PAN3: variants seen among roughly 807,000 people sequenced by gnomAD.
PAN3 encodes the protein PAN2-PAN3 deadenylation complex subunit PAN3.
A neutral mutation model predicts 96.2 loss-of-function variants in PAN3; 19 were observed. The observed-to-expected ratio is 0.20, with a 90% CI of 0.14 to 0.29. PAN3 has a LOEUF of 0.29. Among genes scored for constraint, PAN3 ranks in the 10% least tolerant of loss-of-function variants. The probability of loss-of-function intolerance (pLI) is 1.00; values close to 1 mark genes in which losing one functional copy is unlikely to be tolerated. For synonymous variants in PAN3, 433 were observed against 406.6 expected, an observed-to-expected ratio of 1.06 and a Z score of -0.78; for missense variants, 882 against 1,108.1, an observed-to-expected ratio of 0.80 and a Z score of 2.90.
chr13:28,273,275 C>G (rs188804644), intron 14 of PAN3, among the ~76,000 whole-genome samples: 366 of 152,216 alleles, frequency 2.4e-3, no homozygotes, highest in African/African-American at 8.4e-3. Flanking sequence ...GATAAAGTAT[C>G]GAAGAATAAG....
chr13:28,154,051 A>G (rs1871755419), intron 1 of PAN3, among the ~76,000 whole-genome samples: 1 of 152,218 alleles, frequency 6.6e-6, no homozygotes, highest in Non-Finnish European at 1.5e-5. Flanking sequence ...AAACTGCTTT[A>G]TTGGAGGATA....
At chr13:28,174,145 T>C (rs2138098732) in intron 1 of PAN3, 127 bp from the exon 2 acceptor site, 7 of 996,112 alleles carry the variant, frequency 7.0e-6, no homozygotes, top group Non-Finnish European at 1.0e-5. Context: ...TTACCTGTTA[T>C]GAACTGGTAA....
intron 1 of PAN3, among the ~76,000 whole-genome samples, chr13:28,151,478 G>A (rs1017064004): frequency 2.6e-5 from 4 of 151,938 alleles, no homozygotes; most frequent in African/African-American, 9.7e-5. Flanking sequence ...TTGTGCCACT[G>A]CACTCCAGCC....
At chr13:28,231,292 C>G (rs1368620153) in intron 6 of PAN3, among the ~76,000 whole-genome samples, 1 of 152,100 alleles carries the variant, frequency 6.6e-6, no homozygotes, top group African/African-American at 2.4e-5. Context: ...ACAGGCAAGA[C>G]TGAAGTTATG....
intron 1 of PAN3, among the ~76,000 whole-genome samples, chr13:28,161,254 C>CT (rs1247318071): frequency 2.6e-5 from 4 of 152,114 alleles, no homozygotes; most frequent in Non-Finnish European, 5.9e-5. Context: ...GGCTGAAAGT[C>CT]TAAGATCAAG....
chr13:28,284,443 CT>C (rs1271158111), intron 17 of PAN3, among the ~76,000 whole-genome samples: 1 of 149,698 alleles, frequency 6.7e-6, no homozygotes, highest in Non-Finnish European at 1.5e-5. Context: ...ATGTCTGTAA[CT>C]GACCAAATTT....
At chr13:28,268,253 C>T (rs1412810706) in intron 12 of PAN3, among the ~76,000 whole-genome samples, 1 of 151,892 alleles carries the variant, frequency 6.6e-6, no homozygotes, top group Non-Finnish European at 1.5e-5. Flanking sequence ...CATATTACAT[C>T]TTTTCTTTAT....
chr13:28,265,355 A>T (rs897602053), intron 9 of PAN3, among the ~76,000 whole-genome samples: 2 of 152,212 alleles, frequency 1.3e-5, no homozygotes, highest in Non-Finnish European at 2.9e-5. Flanking sequence ...ACATGCAATG[A>T]CACTTGGCAG....
intron 6 of PAN3, among the ~76,000 whole-genome samples, chr13:28,223,103 T>TGATTCACTCAG (rs1309749984): frequency 6.6e-6 from 1 of 152,242 alleles, no homozygotes; most frequent in Admixed American, 6.5e-5. Flanking sequence ...AAGGAGACCC[T>TGATTCACTCAG]GAGTGAATCA....
intron 4 of PAN3, among the ~76,000 whole-genome samples, chr13:28,186,308 TGTTATA>T (rs1876459925): frequency 6.6e-6 from 1 of 152,204 alleles, no homozygotes. Context: ...GGATATGAGA[TGTTATA>T]GTTAAGAGTA....
At chr13:28,260,690 A>G (rs1885632630) in intron 8 of PAN3, 139 bp downstream of exon 8, 1 of 675,148 alleles carries the variant, frequency 1.5e-6, no homozygotes, top group African/African-American at 1.8e-5. Context: ...AGAAGTTTTA[A>G]TTGGTATTTT....
chr13:28,152,582 GA>G (rs747995430), intron 1 of PAN3, among the ~76,000 whole-genome samples: 9 of 148,198 alleles, frequency 6.1e-5, no homozygotes, highest in East Asian at 3.9e-4. Context: ...GAAACTCCAT[GA>G]AAAAAAAACC....
intron 4 of PAN3, among the ~76,000 whole-genome samples, chr13:28,193,756 A>AAT (rs60905725): frequency 6.8e-6 from 1 of 146,510 alleles, no homozygotes; most frequent in South Asian, 2.2e-4. Flanking sequence ...AAAAAAAAAA[A>AAT]CCCAAGAAAC....
chr13:28,228,060 C>T (rs897142828), intron 6 of PAN3, among the ~76,000 whole-genome samples: 4 of 152,084 alleles, frequency 2.6e-5, no homozygotes, highest in Admixed American at 2.0e-4. Context: ...TTGAGAGCAC[C>T]AGGGATCATT....
chr13:28,149,746 G>A (rs1871126193), intron 1 of PAN3, among the ~76,000 whole-genome samples: 1 of 152,120 alleles, frequency 6.6e-6, no homozygotes, highest in Non-Finnish European at 1.5e-5. Flanking sequence ...CTCCTTAGTA[G>A]TTAGGTCTAC....
intron 1 of PAN3, among the ~76,000 whole-genome samples, chr13:28,173,734 G>T (rs1874597018): frequency 6.6e-6 from 1 of 152,146 alleles, no homozygotes. Flanking sequence ...TGCCCTAATA[G>T]TTCTACAGTC....
chr13:28,201,966 A>G (rs1011371648), intron 5 of PAN3, among the ~76,000 whole-genome samples: 1 of 151,998 alleles, frequency 6.6e-6, no homozygotes, highest in Admixed American at 6.6e-5. Flanking sequence ...ATATTCTCCT[A>G]TACTCCTTCT....
intron 17 of PAN3, among the ~76,000 whole-genome samples, chr13:28,284,514 G>A (rs910568711): frequency 2.0e-5 from 3 of 151,712 alleles, no homozygotes; most frequent in South Asian, 2.1e-4. Context: ...CCAAGATTAT[G>A]AAGGAACTAT....
At chr13:28,150,233 G>C (rs954653601) in intron 1 of PAN3, among the ~76,000 whole-genome samples, 4 of 152,146 alleles carry the variant, frequency 2.6e-5, no homozygotes, top group Non-Finnish European at 4.4e-5. Flanking sequence ...TGATGGGACA[G>C]GGAATCTTCT....
Sources: allele counts gnomAD v4.1 joint callset (sites outside exome capture counted in the v4.1 genomes callset), GRCh38; gene constraint gnomAD v4.1.1; transcripts MANE v1.5; gene names NCBI Gene and HGNC (gene_info 2026-07-23, HGNC 2026-07-21).